Variants in PAK5 observed in about 807,000 individuals in gnomAD.
The protein encoded by PAK5 is p21 (RAC1) activated kinase 5, also known as serine/threonine-protein kinase PAK 5.
Under a neutral mutation model 65.9 loss-of-function variants are expected in PAK5, and 16 were observed. That is an observed-to-expected ratio of 0.24 (90% CI 0.16 to 0.37). The LOEUF is 0.37. PAK5 is among the 10% of genes least tolerant of loss of function. The probability of loss-of-function intolerance (pLI) is 1.00; values close to 1 mark genes in which losing one functional copy is unlikely to be tolerated. For synonymous variants in PAK5, 371 were observed against 354.9 expected, an observed-to-expected ratio of 1.05 and a Z score of -0.51; for missense variants, 785 against 903.9, an observed-to-expected ratio of 0.87 and a Z score of 1.69.
intron 2 of PAK5, among the ~76,000 whole-genome samples, chr20:9,663,414 C>T (rs1202348273): frequency 1.3e-5 from 2 of 152,062 alleles, no homozygotes; most frequent in African/African-American, 4.8e-5. Context: ...ATTTAAATAG[C>T]ATTGTCATTT....
At chr20:9,687,916 A>ATGTGTGTGCATC (rs2047741808) in intron 2 of PAK5, among the ~76,000 whole-genome samples, 1 of 128,512 alleles carries the variant, frequency 7.8e-6, no homozygotes, top group Non-Finnish European at 1.6e-5. Flanking sequence ...TGTGTGTGTT[A>ATGTGTGTGCATC]TGTGTGTGCA....
intron 3 of PAK5, among the ~76,000 whole-genome samples, chr20:9,629,448 G>A (rs2046892810): frequency 1.3e-5 from 2 of 151,852 alleles, no homozygotes; most frequent in Admixed American, 1.3e-4. Flanking sequence ...TTTTCTCTGG[G>A]TGGGCACCTC....
chr20:9,823,203 C>T lies in PAK5; in HGVS notation c.-162+15559G>A, dbSNP rs1471944157. ...CTCTGGAGGACATAGCAACAAGATG[C>T]CATCTTGAACAGAGGAGAAGCCCTT... On this transcript the variant is annotated intron_variant, in intron 1 of 9. Transcript: ENST00000353224. Among the ~76,000 whole-genome samples, 7 of 152,306 alleles carry T rather than the reference C, an allele frequency of 4.6e-5. No individual in the cohort carries two copies. The East Asian group carries it at 9.7e-4, about 21-fold the overall frequency.
At chr20:9,743,953 C>T (rs886657066) in intron 1 of PAK5, among the ~76,000 whole-genome samples, 9 of 152,128 alleles carry the variant, frequency 5.9e-5, no homozygotes, top group African/African-American at 2.2e-4. Context: ...CATATATATC[C>T]TTACAACAGA....
At chr20:9,805,398 G>A (rs1340171369) in intron 1 of PAK5, among the ~76,000 whole-genome samples, 1 of 151,952 alleles carries the variant, frequency 6.6e-6, no homozygotes, top group Admixed American at 6.6e-5. Context: ...GAAAACTTAC[G>A]TTCACACAAA....
chr20:9,623,519 TC>T (rs1341403928), intron 3 of PAK5, among the ~76,000 whole-genome samples: 3 of 152,182 alleles, frequency 2.0e-5, no homozygotes, highest in Non-Finnish European at 4.4e-5. Context: ...TGTACCAAAT[TC>T]CAATAAATGT....
At chr20:9,677,081 GTGTGTGTT>G (rs1457188698) in intron 2 of PAK5, among the ~76,000 whole-genome samples, 1 of 96,760 alleles carries the variant, frequency 1.0e-5, no homozygotes, top group African/African-American at 3.3e-5. Context: ...GTGTGTGTGT[GTGTGTGTT>G]TGTTGTTATA....
At chr20:9,679,394 C>T (rs1380864941) in intron 2 of PAK5, among the ~76,000 whole-genome samples, 1 of 152,136 alleles carries the variant, frequency 6.6e-6, no homozygotes, top group Non-Finnish European at 1.5e-5. Context: ...GTTCAAGGGT[C>T]CACTGTCTAT....
At chr20:9,685,752 AT>A in intron 2 of PAK5, among the ~76,000 whole-genome samples, 1 of 152,350 alleles carries the variant, frequency 6.6e-6, no homozygotes. Flanking sequence ...AAGAGGTGAT[AT>A]GGTACTCATA....
At chr20:9,832,145 A>G (rs1978771291) in intron 1 of PAK5, among the ~76,000 whole-genome samples, 1 of 152,062 alleles carries the variant, frequency 6.6e-6, no homozygotes, top group South Asian at 2.1e-4. Context: ...AATTTTTATT[A>G]CTATGAAATA....
At chr20:9,824,252 T>C (rs1208763942) in intron 1 of PAK5, among the ~76,000 whole-genome samples, 1 of 152,172 alleles carries the variant, frequency 6.6e-6, no homozygotes, top group Non-Finnish European at 1.5e-5. Context: ...GGAGAAAGAA[T>C]ATTAAATCTC....
At chr20:9,668,712 TCCTGGATA>T in intron 2 of PAK5, among the ~76,000 whole-genome samples, 1 of 152,360 alleles carries the variant, frequency 6.6e-6, no homozygotes, top group African/African-American at 2.4e-5. Context: ...TATCAGCTGT[TCCTGGATA>T]CCAGGGTGCT....
At chr20:9,542,453 T>A in intron 9 of PAK5, 133 bp downstream of exon 9, 1 of 884,114 alleles carries the variant, frequency 1.1e-6, no homozygotes, top group Non-Finnish European at 1.9e-6. Flanking sequence ...CAAACCTAAG[T>A]GACTATTTCC....
intron 1 of PAK5, among the ~76,000 whole-genome samples, chr20:9,739,354 C>T (rs2048426077): frequency 6.6e-6 from 1 of 151,816 alleles, no homozygotes; most frequent in Admixed American, 6.6e-5. Flanking sequence ...TATTTAATCT[C>T]TCTTGTTATA....
chr20:9,566,972 C>G (rs2045693919), intron 4 of PAK5, among the ~76,000 whole-genome samples: 1 of 152,104 alleles, frequency 6.6e-6, no homozygotes, highest in Admixed American at 6.5e-5. Flanking sequence ...CAAAGAACAT[C>G]CACTCTGACT....
At chr20:9,820,904 C>G (rs1289353367) in intron 1 of PAK5, among the ~76,000 whole-genome samples, 1 of 152,174 alleles carries the variant, frequency 6.6e-6, no homozygotes, top group Non-Finnish European at 1.5e-5. Context: ...TAAAGGAAGG[C>G]TCAATGTTGG....
intron 2 of PAK5, among the ~76,000 whole-genome samples, chr20:9,645,170 CA>C (rs893365049): frequency 6.6e-6 from 1 of 152,120 alleles, no homozygotes; most frequent in Non-Finnish European, 1.5e-5. Context: ...AGAAGGGTAC[CA>C]GGGGAAGAAG....
intron 3 of PAK5, among the ~76,000 whole-genome samples, chr20:9,632,304 G>C (rs1252402711): frequency 1.3e-5 from 2 of 152,136 alleles, no homozygotes; most frequent in Non-Finnish European, 2.9e-5. Flanking sequence ...CTTGTGATCT[G>C]GGGGGTATGC....
chr20:9,724,188 A>AT (rs1293734825), intron 1 of PAK5, among the ~76,000 whole-genome samples: 1 of 152,146 alleles, frequency 6.6e-6, no homozygotes, highest in East Asian at 1.9e-4. Flanking sequence ...ATCCAAAAAA[A>AT]TTTTTTTTAA....
Sources: gnomAD v4.1 joint callset for allele counts (sites outside exome capture counted in the v4.1 genomes callset) on GRCh38, gnomAD v4.1.1 for gene constraint, MANE v1.5 for transcripts, NCBI Gene and HGNC (gene_info 2026-07-23, HGNC 2026-07-21) for gene names.